TRIM2: variants seen among roughly 807,000 people sequenced by gnomAD.
The protein encoded by TRIM2 is tripartite motif containing 2.
TRIM2 carries 20 observed loss-of-function variants against 75.2 expected under a neutral mutation model. That is an observed-to-expected ratio of 0.27 (90% confidence interval 0.19 to 0.39). The LOEUF (loss-of-function observed/expected upper bound fraction) is 0.39, where lower values mean the gene tolerates loss of function less well. TRIM2 is among the 10% of genes least tolerant of loss of function. TRIM2 has a pLI of 1.00. For missense variants in TRIM2, 660 were observed against 990.8 expected (o/e 0.67, Z 4.48); for synonymous variants, 373 against 388.3 (o/e 0.96, Z 0.46).
intron 1 of TRIM2, among the ~76,000 whole-genome samples, chr4:153,197,518 G>A (rs1270745076): frequency 1.3e-5 from 2 of 152,136 alleles, no homozygotes; most frequent in Non-Finnish European, 2.9e-5. Flanking sequence ...GATGGTCTTA[G>A]GAGGTGGGGC....
Position 153,214,132 on chromosome 4 carries a change from T to C in TRIM2, c.30+9572T>C, listed in dbSNP as rs553749354. On this transcript the variant is annotated intron_variant, in intron 1 of 11. Coordinates refer to ENST00000338700, the MANE Select transcript of TRIM2 (RefSeq NM_015271.5). ...TTTTTAAAGTGAAATTACTAGAGCATAAGATATAAACATTTAAAAGGTTTT... is the reference window on the plus strand; with the variant it reads ...TTTTTAAAGTGAAATTACTAGAGCACAAGATATAAACATTTAAAAGGTTTT... Among the ~76,000 whole-genome samples, 296 of 152,338 alleles carry C rather than the reference T, an allele frequency of 1.9e-3. 1 individual carries two copies. The highest frequency in any genetic ancestry group is 6.8e-3 in the African/African-American group (284 of 41,584).
intron 1 of TRIM2, among the ~76,000 whole-genome samples, chr4:153,174,998 T>C (rs764973707): frequency 9.1e-6 from 1 of 109,958 alleles, no homozygotes; most frequent in African/African-American, 3.3e-5. Flanking sequence ...TTGTTGTTGT[T>C]TTGTTTTTGT....
Position 153,175,579 on chromosome 4 carries a change from G to A in TRIM2, c.-49+22309G>A, listed in dbSNP as rs113758003. Among the ~76,000 whole-genome samples the A allele has an allele frequency of 7.1e-3, 1,085 of 152,286 alleles. 17 individuals carry two copies. Among genetic ancestry groups the A allele is most frequent in the African/African-American group, 0.025 (1,019 of 41,552 alleles). On this transcript the variant is annotated intron_variant, in intron 1 of 11. Coordinates refer to the TRIM2 transcript ENST00000437508. ...GGAGTTGAATAGCAGGAGGAAGGCG[G>A]ATGGTGAATTTGGAAGAGTAAGGAG...
chr4:153,289,333 T>C (rs889237001), intron 3 of TRIM2, among the ~76,000 whole-genome samples: 4 of 152,228 alleles, frequency 2.6e-5, no homozygotes, highest in Admixed American at 2.0e-4. Flanking sequence ...ACTAATTTTG[T>C]AAAGTTTGTA....
intron 1 of TRIM2, among the ~76,000 whole-genome samples, chr4:153,244,435 C>CTTCTTCTTCTTCTTCTTCTTCTTCTTCTT (rs1748487375): frequency 1.2e-5 from 1 of 86,748 alleles, no homozygotes; most frequent in Non-Finnish European, 2.0e-5. Flanking sequence ...TCTTCTTCTT[C>CTTCTTCTTCTTCTTCTTCTTCTTCTTCTT]TTTTAATTAG....
chr4:153,166,539 C>CCT (rs1553957725), intron 1 of TRIM2, among the ~76,000 whole-genome samples: 16 of 54,032 alleles, frequency 3.0e-4, no homozygotes, highest in South Asian at 8.1e-4. Context: ...CCTTCCTTTT[C>CCT]TCTCTCTCTC....
intron 1 of TRIM2, among the ~76,000 whole-genome samples, chr4:153,165,183 A>T (rs991831320): frequency 2.0e-5 from 3 of 152,004 alleles, no homozygotes; most frequent in African/African-American, 7.3e-5. Context: ...TTGCTTTTGT[A>T]ATTCTTCTAC....
intron 1 of TRIM2, among the ~76,000 whole-genome samples, chr4:153,195,902 C>T (rs1311757965): frequency 2.0e-5 from 3 of 152,152 alleles, no homozygotes; most frequent in African/African-American, 7.2e-5. Flanking sequence ...ACCTCCGCCT[C>T]CAAGATTCAA....
Position 153,337,894 on chromosome 4 carries a change from A to G in TRIM2, c.*2928A>G, listed in dbSNP as rs1772629713. 3.0e-6 allele frequency: 3 copies of G among 985,690 alleles called. No individual in the cohort carries two copies. The highest frequency in any genetic ancestry group is 3.6e-6 in the Non-Finnish European group (3 of 829,926). The allele number at this position is 985,690 out of a possible 1,614,324, so 61.1% of individuals were successfully genotyped here. ...CAGTGACGACGCATTTCCTCCCAGT[A>G]CAGACCCCCCAGCCCCCCTTGCTGG... On this transcript the variant is annotated 3_prime_UTR_variant, in exon 12 of 12. Coordinates refer to ENST00000338700, the MANE Select transcript of TRIM2 (RefSeq NM_015271.5).
At chr4:153,212,110 A>G (rs955972152) in intron 1 of TRIM2, among the ~76,000 whole-genome samples, 2 of 152,180 alleles carry the variant, frequency 1.3e-5, no homozygotes, top group Non-Finnish European at 2.9e-5. Context: ...CCTTATGAGA[A>G]ATAAAGCTGT....
intron 1 of TRIM2, among the ~76,000 whole-genome samples, chr4:153,207,694 T>G (rs1182178326): frequency 6.6e-6 from 1 of 152,208 alleles, no homozygotes; most frequent in Non-Finnish European, 1.5e-5. Context: ...GCTAAGAGAA[T>G]GCAGTGCAGT....
chr4:153,180,760 G>T (rs148859035), intron 1 of TRIM2, among the ~76,000 whole-genome samples: 44 of 152,340 alleles, frequency 2.9e-4, no homozygotes, highest in Middle Eastern at 3.4e-3. Flanking sequence ...TTACAGGCCT[G>T]AGCCACAGCA....
chr4:153,304,124 C>T (rs555262563), intron 6 of TRIM2, among the ~76,000 whole-genome samples: 6 of 151,640 alleles, frequency 4.0e-5, no homozygotes, highest in African/African-American at 1.5e-4. Context: ...TTCTTTCTTT[C>T]TTTTTTTGAG....
chr4:153,193,575 G>C (rs1733453902), intron 1 of TRIM2, among the ~76,000 whole-genome samples: 1 of 152,128 alleles, frequency 6.6e-6, no homozygotes, highest in Non-Finnish European at 1.5e-5. Flanking sequence ...CTAAATGATT[G>C]ACAACTATAT....
At chr4:153,273,539 C>T (rs938035249) in intron 2 of TRIM2, among the ~76,000 whole-genome samples, 20 of 150,624 alleles carry the variant, frequency 1.3e-4, no homozygotes, top group East Asian at 5.8e-4. Flanking sequence ...GTGATCCACC[C>T]GCCTTGGCCT....
Position 153,293,009 on chromosome 4 carries a change from G to A in TRIM2, c.481G>A (p.Glu161Lys). 6.2e-7 allele frequency: 1 copy of A among 1,612,398 alleles called. No homozygotes were observed. The highest frequency in any genetic ancestry group is 8.5e-7 in the Non-Finnish European group (1 of 1,178,924). The change falls in exon 4 of 12, where the codon GAG becomes AAG. Residue 161 changes from glutamate to lysine, a missense_variant. By Grantham distance (56) the Glu-to-Lys change is moderately conservative (BLOSUM62 1). This residue lies in a region of TRIM2 where 620 missense variants were observed against 891.0 expected (regional missense o/e 0.70). Transcript: ENST00000338700. ...NVMEFYCQSC[E>K]TAMCRECTEG... ...GATGGAATTTTACTGCCAGTCCTGT[G>A]AGACTGCCATGTGTCGGGAGTGCAC...
At chr4:153,182,139 G>A (rs1732131020) in intron 1 of TRIM2, among the ~76,000 whole-genome samples, 2 of 152,166 alleles carry the variant, frequency 1.3e-5, no homozygotes, top group South Asian at 4.1e-4. Context: ...GTGGTAGAGG[G>A]GAGGTGAGGA....
rs1560874409 is a variant in TRIM2, at chr4:153,244,361, T to TCTTCCTCTTCCTCTTCC, written c.31-25974_31-25973insCTTCCTCTTCCTCTTCC. Among the ~76,000 whole-genome samples the TCTTCCTCTTCCTCTTCC allele has an allele frequency of 1.5e-4, 4 of 26,974 alleles. 1 individual carries two copies. In the East Asian group the frequency reaches 4.5e-3, roughly 30 times the overall value. The allele number at this position is 26,974 out of a possible 152,430, so 17.7% of individuals were successfully genotyped here. ...CTTCTTCTTCTTCTTCTTCCTCTTCTTCTTCTTCTTCTTCTTCTTCTTCTT... is the reference window on the plus strand; with the variant it reads ...CTTCTTCTTCTTCTTCTTCCTCTTCTCTTCCTCTTCCTCTTCCTCTTCTTCTTCTTCTTCTTCTTCTT... On this transcript the variant is annotated intron_variant, in intron 1 of 11. Transcript: ENST00000338700.
At chr4:153,275,758 T>C (rs1023409940) in intron 2 of TRIM2, 135 bp from the exon 3 acceptor site, 11 of 778,352 alleles carry the variant, frequency 1.4e-5, no homozygotes, top group Middle Eastern at 3.5e-4. Flanking sequence ...TCTGAAATAT[T>C]ATTTTCCTAG....
Sources: allele counts gnomAD v4.1 joint callset (sites outside exome capture counted in the v4.1 genomes callset), GRCh38; gene constraint gnomAD v4.1.1; regional missense constraint gnomAD v4.1.1; transcripts MANE v1.5; gene names NCBI Gene and HGNC (gene_info 2026-07-23, HGNC 2026-07-21).